The following PRMT5 variants were observed in gnomAD, a reference collection of about 807,000 sequenced individuals.
The protein encoded by PRMT5 is protein arginine N-methyltransferase 5.
Under a neutral mutation model 84.0 loss-of-function variants are expected in PRMT5, and 15 were observed. That is an observed-to-expected ratio of 0.18 (90% CI 0.12 to 0.28). The LOEUF (loss-of-function observed/expected upper bound fraction) is 0.28, where lower values mean the gene tolerates loss of function less well. Among genes scored for constraint, PRMT5 ranks in the 10% least tolerant of loss-of-function variants. PRMT5 has a pLI of 1.00. For synonymous variants in PRMT5, 276 were observed against 292.4 expected (o/e 0.94, Z 0.57); for missense variants, 486 against 808.0 (o/e 0.60, Z 4.83).
At position 22,920,842 on chromosome 14, in the gene PRMT5, T is replaced by G; in HGVS notation, c.*62A>C. On this transcript the variant is annotated 3_prime_UTR_variant, in exon 17 of 17. Coordinates refer to ENST00000324366, the MANE Select transcript of PRMT5 (RefSeq NM_006109.5). ...CACAGCCCATAGATGTACTGCACCTTCTGTACTACAGGAGCAGAACCTGAA... is the reference window on the plus strand; with the variant it reads ...CACAGCCCATAGATGTACTGCACCTGCTGTACTACAGGAGCAGAACCTGAA... The G allele has an allele frequency of 6.2e-7, 1 of 1,603,916 alleles. No homozygotes were observed. Among genetic ancestry groups the G allele is most frequent in the Non-Finnish European group, 8.5e-7 (1 of 1,171,140 alleles).
At chr14:22,929,161 C>T in intron 1 of PRMT5, 91 bp downstream of exon 1, 4 of 1,614,110 alleles carry the variant, frequency 2.5e-6, no homozygotes, top group Non-Finnish European at 3.4e-6. Context: ...TAGCCGACCC[C>T]CTCACCCCTG....
chr14:22,921,197 C>G (rs2139211275), intron 16 of PRMT5, 141 bp from the exon 17 acceptor site: 1 of 1,022,976 alleles, frequency 9.8e-7, no homozygotes, highest in East Asian at 2.6e-5. Context: ...CCTATCAGAA[C>G]ACAAATAATC....
At chr14:22,922,130 G>A (rs748314153) in intron 16 of PRMT5, 46 bp downstream of exon 16, 1 of 1,477,958 alleles carries the variant, frequency 6.8e-7, no homozygotes, top group African/African-American at 1.4e-5. Flanking sequence ...CAACACCAAA[G>A]GCAAAGGTTA....
intron 16 of PRMT5, 128 bp downstream of exon 16, chr14:22,922,048 G>A (rs1477704006): frequency 1.2e-6 from 1 of 860,394 alleles, no homozygotes; most frequent in Non-Finnish European, 1.9e-6. Flanking sequence ...CTACCACTGG[G>A]ATCCAAGAGC....
rs769728613 is a variant in PRMT5, at chr14:22,920,862, C to G, written c.*42G>C. 1.9e-6 allele frequency: 3 copies of G among 1,612,004 alleles called. No individual in the cohort carries two copies. Among genetic ancestry groups the G allele is most frequent in the East Asian group, 2.2e-5 (1 of 44,834 alleles). ...CACCTTCTGTACTACAGGAGCAGAACCTGAAGCTGCTTCCAAGGCTCTGGA... is the reference window on the plus strand; with the variant it reads ...CACCTTCTGTACTACAGGAGCAGAAGCTGAAGCTGCTTCCAAGGCTCTGGA... On this transcript the variant is annotated 3_prime_UTR_variant, in exon 17 of 17. Coordinates refer to ENST00000324366, the MANE Select transcript of PRMT5 (RefSeq NM_006109.5).
intron 1 of PRMT5, 78 bp downstream of exon 1, chr14:22,929,174 T>C: frequency 6.2e-7 from 1 of 1,613,962 alleles, no homozygotes; most frequent in South Asian, 1.1e-5. Context: ...CACCCCTGCT[T>C]CTCCGGGATG....
rs1193709053 is a variant in PRMT5, at chr14:22,924,776, A to C, written c.940-67T>G. ...AAAGGACAATGCACTAAAATATCAAAAACTTTCCACTGCTTTCTGAGTTTT... is the reference window on the plus strand; with the variant it reads ...AAAGGACAATGCACTAAAATATCAACAACTTTCCACTGCTTTCTGAGTTTT... On this transcript the variant is annotated intron_variant, in intron 8 of 16. Transcript: ENST00000324366. This position sits in a 1 kb window ranked among gnomAD's most constrained non-coding sequence, Gnocchi z 6.5. 6 of 1,591,294 alleles carry C rather than the reference A, an allele frequency of 3.8e-6. No individual in the cohort carries two copies. In the African/African-American group the frequency reaches 8.1e-5, roughly 21 times the overall value.
At position 22,922,431 on chromosome 14, in the gene PRMT5, A is replaced by G. The variant is rs1326744788; in HGVS notation, c.1696+12T>C. The G allele has an allele frequency of 6.3e-6, 10 of 1,591,784 alleles. No homozygotes were observed. The highest frequency in any genetic ancestry group is 6.9e-6 in the Non-Finnish European group (8 of 1,159,842). ...CCCTCATACTCTGCCATCTACTGCC[A>G]TAGACACTCACTCAGAGTGATGTCC... On this transcript the variant is annotated intron_variant, in intron 15 of 16. Coordinates refer to ENST00000324366, the MANE Select transcript of PRMT5 (RefSeq NM_006109.5).
intron 4 of PRMT5, 78 bp from the exon 5 acceptor site, chr14:22,926,892 C>G: frequency 1.0e-6 from 1 of 994,874 alleles, no homozygotes; most frequent in Non-Finnish European, 1.6e-6. Context: ...ATAAAAAAAA[C>G]TTCATCCAGA....
rs761319868 is a variant in PRMT5 at position 22,926,668 on chromosome 14, T to TGTACACCC, written c.563+33_563+34insGGGTGTAC. 11 of 1,605,836 alleles carry TGTACACCC rather than the reference T, an allele frequency of 6.9e-6. No individual in the cohort carries two copies. In the African/African-American group the frequency reaches 1.5e-4, roughly 21 times the overall value. ...CCTGTACTTCCCCTCACCCTATCCCTTGCACCCTGGTACAGCAGCAAAGGG... is the reference window on the plus strand; with the variant it reads ...CCTGTACTTCCCCTCACCCTATCCCTGTACACCCTGCACCCTGGTACAGCAGCAAAGGG... On this transcript the variant is annotated intron_variant, in intron 5 of 16. Transcript: ENST00000324366.
At position 22,928,053 on chromosome 14, in the gene PRMT5, G is replaced by A; in HGVS notation, c.315+73C>T. 7.9e-7 allele frequency: 1 copy of A among 1,271,202 alleles called. No homozygotes were observed. Among genetic ancestry groups the A allele is most frequent in the South Asian group, 1.3e-5 (1 of 77,042 alleles). 78.7% of individuals were successfully genotyped at this position (1,271,202 alleles called of 1,614,324 possible). On this transcript the variant is annotated intron_variant, in intron 3 of 16. Coordinates refer to ENST00000324366, the MANE Select transcript of PRMT5 (RefSeq NM_006109.5). The surrounding 1 kb of genome is among the most constrained non-coding windows in gnomAD (Gnocchi z 4.8). ...CTATCAGTTAATTTACCAAGTTATTGGGGATGGGAGGGGACCACTCTCCCC... is the reference window on the plus strand; with the variant it reads ...CTATCAGTTAATTTACCAAGTTATTAGGGATGGGAGGGGACCACTCTCCCC...
At position 22,924,473 on chromosome 14, in the gene PRMT5, A is replaced by T. The variant is rs1401511413; in HGVS notation, c.1076+6T>A. The T allele has an allele frequency of 6.2e-7, 1 of 1,613,944 alleles. No homozygotes were observed. Among genetic ancestry groups the T allele is most frequent in the Admixed American group, 1.7e-5 (1 of 60,016 alleles). The stretch of plus-strand genomic sequence containing the variant: ...AAGTCCCTGAGATTGAGGGGAAAGC[A>T]CTCACTGGACATTGGTATCCTTCTC... On this transcript the variant is annotated splice_donor_region_variant and intron_variant, in intron 10 of 16. Coordinates refer to ENST00000324366, the MANE Select transcript of PRMT5 (RefSeq NM_006109.5). The surrounding 1 kb of genome is among the most constrained non-coding windows in gnomAD (Gnocchi z 6.5).
At chr14:22,922,120 C>T (rs954180389) in intron 16 of PRMT5, 56 bp downstream of exon 16, 8 of 1,438,246 alleles carry the variant, frequency 5.6e-6, no homozygotes, top group Non-Finnish European at 7.8e-6. Flanking sequence ...GAAAGAAGCA[C>T]AACACCAAAG....
Position 22,928,525 on chromosome 14 carries a change from T to A in PRMT5, c.201A>T (p.Thr67=). The A allele has an allele frequency of 6.2e-7, 1 of 1,613,702 alleles. No individual in the cohort carries two copies. The highest frequency in any genetic ancestry group is 8.5e-7 in the Non-Finnish European group (1 of 1,179,574). The change falls in exon 2 of 17, where the codon ACA becomes ACT. Residue 67 remains threonine (T), a synonymous_variant. Coordinates refer to ENST00000324366, the MANE Select transcript of PRMT5 (RefSeq NM_006109.5). The surrounding 1 kb of genome is among the most constrained non-coding windows in gnomAD (Gnocchi z 4.8). ...TTCCTGACAGCAGTAGGTCTGATCG[T>A]GTCTGGGGACCGGGCCGATTCTTAG... ...EPAKNRPGPQ[T]RSDLLLSGRD...
chr14:22,923,135 C>T lies in PRMT5; in HGVS notation c.1401G>A (p.Glu467=). 2 of 1,613,384 alleles carry T rather than the reference C, an allele frequency of 1.2e-6. No homozygotes were observed. Among genetic ancestry groups the T allele is most frequent in the Non-Finnish European group, 1.7e-6 (2 of 1,179,778 alleles). Residue 467 remains glutamate, a synonymous_variant, in exon 13 of 17, where the codon GAG becomes GAA. Transcript: ENST00000324366. This position sits in a 1 kb window ranked among gnomAD's most constrained non-coding sequence, Gnocchi z 5.2. ...AGATGGGAGCCAGAAAGGAAGTGTA[C>T]TCCCCGGGGATGCTCACACCATCAT... The part of the protein sequence containing the change: ...LKDDGVSIPG[E]YTSFLAPISS...
At position 22,924,037 on chromosome 14, in the gene PRMT5, C is replaced by A; in HGVS notation, c.1346G>T (p.Cys449Phe). ...TAGGAAGTGCTGGGCTCCATCCAGG[C>A]ACTCAGGCGACAATTCATTGTCAGC... Reference protein sequence around the residue: ...SFADNELSPECLDGAQHFLKD... With the variant: ...SFADNELSPEFLDGAQHFLKD... The change falls in exon 12 of 17, where the codon TGC (cysteine) becomes TTC (phenylalanine). Residue 449 changes from cysteine (C) to phenylalanine (F), a missense_variant. By Grantham distance (205) the Cys-to-Phe change is radical. Transcript: ENST00000324366. This position sits in a 1 kb window ranked among gnomAD's most constrained non-coding sequence, Gnocchi z 6.5. 6.3e-7 allele frequency: 1 copy of A among 1,583,018 alleles called. No homozygotes were observed. Among genetic ancestry groups the A allele is most frequent in the Non-Finnish European group, 8.6e-7 (1 of 1,165,750 alleles).
At position 22,920,984 on chromosome 14, in the gene PRMT5, A is replaced by C; in HGVS notation, c.1834T>G (p.Trp612Gly). 1.2e-6 allele frequency: 2 copies of C among 1,614,160 alleles called. No individual in the cohort carries two copies. The highest frequency in any genetic ancestry group is 1.7e-6 in the Non-Finnish European group (2 of 1,180,034). Reference protein sequence around the residue: ...FWRCSNSKKVWYEWAVTAPVC... With the variant: ...FWRCSNSKKVGYEWAVTAPVC... ...GGTGCTGTCACAGCCCACTCATACC[A>C]CACCTTCTTGGAATTGCTGCATCGC... is the stretch of plus-strand genomic sequence containing the variant. The change falls in exon 17 of 17, where the codon TGG (tryptophan) becomes GGG (glycine). Residue 612 changes from tryptophan (W) to glycine (G), a missense_variant. By Grantham distance (184) the Trp-to-Gly change is radical. This residue lies in a region of PRMT5 where 219 missense variants were observed against 433.6 expected (regional missense o/e 0.51). Coordinates refer to ENST00000324366, the MANE Select transcript of PRMT5 (RefSeq NM_006109.5).
Position 22,924,889 on chromosome 14 carries a change from G to A in PRMT5, c.929C>T (p.Ser310Phe). 6.2e-7 allele frequency: 1 copy of A among 1,614,120 alleles called. No individual in the cohort carries two copies. Among genetic ancestry groups the A allele is most frequent in the Non-Finnish European group, 8.5e-7 (1 of 1,180,008 alleles). The change falls in exon 8 of 17, where the codon TCC becomes TTC. Residue 310 changes from serine to phenylalanine, a missense_variant. Coordinates refer to ENST00000324366, the MANE Select transcript of PRMT5 (RefSeq NM_006109.5). This position sits in a 1 kb window ranked among gnomAD's most constrained non-coding sequence, Gnocchi z 6.5. ...GCACTCCAGACCCACCTGAAGCGGG[G>A]ACTGCAGATAGTCTTCATAGCCCTT... The part of the protein sequence containing the change: ...FAKGYEDYLQ[S>F]PLQPLMDNLE...
At position 22,922,466 on chromosome 14, in the gene PRMT5, A is replaced by G. The variant is rs752679427; in HGVS notation, c.1673T>C (p.Val558Ala). The G allele has an allele frequency of 6.2e-7, 1 of 1,613,424 alleles. No homozygotes were observed. ...ACTCAGAGTGATGTCCTGATAAAGC[A>G]CAGTCTCAAAGTAGCCGGCAAAGCC... ...LHGFAGYFET[V>A]LYQDITLSIR... Residue 558 changes from valine (V) to alanine (A), a missense_variant, in exon 15 of 17, where the codon GTG becomes GCG. By Grantham distance (64) the Val-to-Ala change is moderately conservative. Coordinates refer to ENST00000324366, the MANE Select transcript of PRMT5 (RefSeq NM_006109.5).
Sources: allele counts gnomAD v4.1 joint callset, GRCh38; gene constraint gnomAD v4.1.1; regional missense constraint gnomAD v4.1.1; non-coding constraint Gnocchi (gnomAD v3.1); transcripts MANE v1.5; gene names NCBI Gene and HGNC (gene_info 2026-07-23, HGNC 2026-07-21).